TSPEAR: variants seen among roughly 807,000 people sequenced by gnomAD.
TSPEAR encodes thrombospondin-type laminin G domain and EAR repeat-containing protein.
TSPEAR carries 69 observed loss-of-function variants against 71.6 expected under a neutral mutation model. The ratio of observed to expected loss-of-function variants is 0.96; its 90% confidence interval spans 0.79 to 1.18. The LOEUF (loss-of-function observed/expected upper bound fraction) is 1.18. Among genes scored for constraint, TSPEAR ranks in the 50% most tolerant of loss-of-function variants. The pLI, the probability that TSPEAR is intolerant of heterozygous loss-of-function variation, is 0.00. For missense variants in TSPEAR, 971 were observed against 894.9 expected, an observed-to-expected ratio of 1.09 and a Z score of -1.09; for synonymous variants, 402 against 387.2, an observed-to-expected ratio of 1.04 and a Z score of -0.45.
intron 1 of TSPEAR, among the ~76,000 whole-genome samples, chr21:44,659,480 A>C (rs1487402383): frequency 6.6e-6 from 1 of 152,124 alleles, no homozygotes; most frequent in African/African-American, 2.4e-5. Flanking sequence ...CCCCCCACAC[A>C]CTAATGGCCT....
intron 1 of TSPEAR, among the ~76,000 whole-genome samples, chr21:44,614,185 A>G (rs1981915916): frequency 6.6e-6 from 1 of 152,010 alleles, no homozygotes; most frequent in South Asian, 2.1e-4. Flanking sequence ...TGCTTTGACC[A>G]TTCACGATCT....
chr21:44,538,050 G>A (rs1319575925), intron 2 of TSPEAR, among the ~76,000 whole-genome samples: 1 of 152,200 alleles, frequency 6.6e-6, no homozygotes, highest in African/African-American at 2.4e-5. Context: ...GCATTTCTGT[G>A]CCTGTTCTGA....
rs1423240224 is a variant in TSPEAR at position 44,647,589 on chromosome 21, T to C, written c.82+63844A>G. ...TCTGGAGCCCCCTTCTCCAAATGTGTTGCTTATACCCAATGTGACAAAGAA... is the reference window on the plus strand; with the variant it reads ...TCTGGAGCCCCCTTCTCCAAATGTGCTGCTTATACCCAATGTGACAAAGAA... On this transcript the variant is annotated intron_variant, in intron 1 of 11. Coordinates refer to ENST00000323084, the MANE Select transcript of TSPEAR (RefSeq NM_144991.3). The C allele has an allele frequency of 8.3e-6, 5 of 599,776 alleles. No individual in the cohort carries two copies. In the East Asian group the frequency reaches 8.6e-5, roughly 10 times the overall value. 37.2% of individuals were successfully genotyped at this position (599,776 alleles called of 1,614,324 possible).
intron 1 of TSPEAR, among the ~76,000 whole-genome samples, chr21:44,590,664 G>A (rs1333831104): frequency 4.6e-5 from 7 of 152,312 alleles, no homozygotes; most frequent in East Asian, 3.9e-4. Context: ...TCTCCCCAGG[G>A]GTAACAGGAG....
chr21:44,575,021 C>A, intron 1 of TSPEAR: 1 of 1,593,782 alleles, frequency 6.3e-7, no homozygotes. Flanking sequence ...AGAAGCCCAG[C>A]TGCTGATGGA....
intron 1 of TSPEAR, among the ~76,000 whole-genome samples, chr21:44,665,417 G>T (rs1240294975): frequency 6.6e-6 from 1 of 152,206 alleles, no homozygotes; most frequent in African/African-American, 2.4e-5. Flanking sequence ...CCCAGGAGGG[G>T]AATACAGCCC....
chr21:44,594,317 T>C (rs1352260023), intron 1 of TSPEAR, among the ~76,000 whole-genome samples: 4 of 152,200 alleles, frequency 2.6e-5, no homozygotes, highest in Non-Finnish European at 5.9e-5. Context: ...GATGTAACCT[T>C]ATAAGGGGAT....
chr21:44,524,954 G>A (rs929325986), intron 8 of TSPEAR, among the ~76,000 whole-genome samples: 3 of 151,008 alleles, frequency 2.0e-5, no homozygotes, highest in African/African-American at 7.4e-5. Context: ...CAGTCAGTCA[G>A]TCACTCTTTG....
At position 44,612,327 on chromosome 21, in the gene TSPEAR, G is replaced by C; in HGVS notation, c.83-44322C>G. 6.2e-7 allele frequency: 1 copy of C among 1,613,702 alleles called. No homozygotes were observed. Among genetic ancestry groups the C allele is most frequent in the Middle Eastern group, 1.7e-4 (1 of 6,036 alleles). ...CCAGCCCCCTGCCTGGCCCTGGTCT[G>C]TGCCCCAGTGAGCTGTGAGCCCAGC... On this transcript the variant is annotated intron_variant, in intron 1 of 11. Coordinates refer to ENST00000323084, the MANE Select transcript of TSPEAR (RefSeq NM_144991.3). This position sits in a 1 kb window ranked among gnomAD's most constrained non-coding sequence, Gnocchi z 4.1.
intron 1 of TSPEAR, among the ~76,000 whole-genome samples, chr21:44,674,495 T>C (rs1363032707): frequency 6.6e-6 from 1 of 152,118 alleles, no homozygotes; most frequent in Admixed American, 6.6e-5. Context: ...GGCAGGTGGA[T>C]CACTTGAGCC....
At chr21:44,552,195 A>AT (rs2053453186) in intron 2 of TSPEAR, among the ~76,000 whole-genome samples, 1 of 151,610 alleles carries the variant, frequency 6.6e-6, no homozygotes, top group African/African-American at 2.4e-5. Flanking sequence ...GGGGGTGGGG[A>AT]GGGGCCTCTG....
chr21:44,521,777 G>A (rs1298709845), intron 9 of TSPEAR, 106 bp downstream of exon 9: 1 of 1,097,740 alleles, frequency 9.1e-7, no homozygotes, highest in African/African-American at 1.5e-5. Context: ...GCAGCACTAG[G>A]TTTGGCTCTC....
chr21:44,565,908 C>T (rs1024248365), intron 2 of TSPEAR, among the ~76,000 whole-genome samples: 28 of 152,188 alleles, frequency 1.8e-4, no homozygotes, highest in Non-Finnish European at 1.5e-5. Context: ...AACGTCAACA[C>T]ACAGAAATCA....
chr21:44,627,253 G>A, intron 1 of TSPEAR: 5 of 1,612,670 alleles, frequency 3.1e-6, no homozygotes, highest in Non-Finnish European at 4.2e-6. Flanking sequence ...GAGCTGCTGT[G>A]AGCCCCCCTG....
At chr21:44,682,302 A>T in intron 1 of TSPEAR, 6 of 735,316 alleles carry the variant, frequency 8.2e-6, no homozygotes, top group Non-Finnish European at 1.3e-5. Flanking sequence ...GTCGTAGATG[A>T]TGTTTTTTAT....
chr21:44,512,166 G>A (rs1223616799), intron 9 of TSPEAR, among the ~76,000 whole-genome samples: 1 of 152,240 alleles, frequency 6.6e-6, no homozygotes, highest in Non-Finnish European at 1.5e-5. Context: ...CAGGGGCTGG[G>A]GCGGGCCTAC....
intron 1 of TSPEAR, among the ~76,000 whole-genome samples, chr21:44,696,735 C>T (rs1197236621): frequency 6.6e-6 from 1 of 152,188 alleles, no homozygotes; most frequent in African/African-American, 2.4e-5. Context: ...CACAGAGGGG[C>T]GGCCAAGGGC....
intron 1 of TSPEAR, among the ~76,000 whole-genome samples, chr21:44,569,909 T>G (rs1232523058): frequency 6.6e-6 from 1 of 152,080 alleles, no homozygotes; most frequent in Admixed American, 6.5e-5. Context: ...AGCCTCAGGC[T>G]GGCGGAGGTT....
At chr21:44,545,255 T>C (rs2053283249) in intron 2 of TSPEAR, among the ~76,000 whole-genome samples, 1 of 151,814 alleles carries the variant, frequency 6.6e-6, no homozygotes, top group African/African-American at 2.4e-5. Flanking sequence ...GAGGTGGAGC[T>C]TGCAGTGAGC....
Sources: gnomAD v4.1 joint callset for allele counts (sites outside exome capture counted in the v4.1 genomes callset) on GRCh38, gnomAD v4.1.1 for gene constraint, Gnocchi (gnomAD v3.1) non-coding constraint, MANE v1.5 for transcripts, NCBI Gene and HGNC (gene_info 2026-07-23, HGNC 2026-07-21) for gene names.